LYST: variants seen among roughly 807,000 people sequenced by gnomAD.
The protein encoded by LYST is lysosomal trafficking regulator.
In LYST, 192 loss-of-function variants were observed where a neutral mutation model predicts 413.6. The ratio of observed to expected loss-of-function variants is 0.46; its 90% CI spans 0.41 to 0.52. The LOEUF (loss-of-function observed/expected upper bound fraction) is 0.52, where lower values mean the gene tolerates loss of function less well. LYST is among the 20% of genes least tolerant of loss of function. LYST has a pLI of 0.00. For synonymous variants in LYST, 1,525 were observed against 1,567.3 expected (o/e 0.97, Z 0.64); for missense variants, 3,815 against 4,499.9 (o/e 0.85, Z 4.35).
intron 1 of LYST, among the ~76,000 whole-genome samples, chr1:235,857,772 C>T (rs1341740535): frequency 3.3e-4 from 47 of 140,812 alleles, no homozygotes; most frequent in African/African-American, 1.2e-3. Flanking sequence ...CACACACACA[C>T]ACACACACAC....
intron 32 of LYST, 121 bp downstream of exon 32, chr1:235,734,361 TA>T (rs1664637536): frequency 2.4e-6 from 2 of 844,668 alleles, no homozygotes; most frequent in East Asian, 5.3e-5. Flanking sequence ...ATAGGAAAAA[TA>T]AAATAAAATA....
intron 31 of LYST, among the ~76,000 whole-genome samples, chr1:235,740,850 A>C (rs771922734): frequency 9.2e-5 from 14 of 152,314 alleles, no homozygotes; most frequent in South Asian, 4.1e-4. Flanking sequence ...TGACAAGTTA[A>C]ATATATGTTT....
chr1:235,842,233 G>C (rs184095583), intron 1 of LYST, among the ~76,000 whole-genome samples: 12 of 152,038 alleles, frequency 7.9e-5, no homozygotes, highest in Admixed American at 5.9e-4. Context: ...AAAGAGGCCA[G>C]GAAAATAAAT....
intron 47 of LYST, among the ~76,000 whole-genome samples, chr1:235,687,797 T>C (rs1374326765): frequency 1.3e-5 from 2 of 152,272 alleles, no homozygotes; most frequent in Non-Finnish European, 1.5e-5. Flanking sequence ...CACCTCAACA[T>C]GTTTCCCTGT....
intron 4 of LYST, 68 bp downstream of exon 4, chr1:235,812,903 T>C: frequency 1.1e-6 from 1 of 895,434 alleles, no homozygotes; most frequent in South Asian, 1.4e-5. Context: ...AATCAAACAT[T>C]CAGGCAGAAG....
chr1:235,867,239 T>A (rs1315074268), upstream of LYST, among the ~76,000 whole-genome samples: 2 of 152,208 alleles, frequency 1.3e-5, no homozygotes, highest in Non-Finnish European at 2.9e-5. Flanking sequence ...GTGGGCTGCG[T>A]CAGACCCTGG....
intron 17 of LYST, among the ~76,000 whole-genome samples, chr1:235,775,570 A>G (rs1044155578): frequency 3.3e-5 from 5 of 152,230 alleles, no homozygotes; most frequent in African/African-American, 1.2e-4. Context: ...TAAGAAACAC[A>G]CACTTATTAT....
At chr1:235,856,985 G>A (rs1164717637) in intron 1 of LYST, among the ~76,000 whole-genome samples, 4 of 132,832 alleles carry the variant, frequency 3.0e-5, no homozygotes, top group Non-Finnish European at 4.6e-5. Flanking sequence ...CACTCTTGTC[G>A]CCCAGGCTGG....
chr1:235,802,954 T>C lies in LYST; in HGVS notation c.3666A>G (p.Glu1222=). The C allele has an allele frequency of 1.2e-6, 2 of 1,613,644 alleles. No individual in the cohort carries two copies. The highest frequency in any genetic ancestry group is 2.2e-5 in the South Asian group (2 of 91,074). The change falls in exon 8 of 53, where the codon GAA becomes GAG. Residue 1222 remains glutamate (E), a synonymous_variant. Coordinates refer to ENST00000389793, the MANE Select transcript of LYST (RefSeq NM_000081.4). ...CTTCAGGATTGCTTTCACTATCTGCTTCGTAACCTTCTTCTTCAACTAAAA... is the reference window on the plus strand; with the variant it reads ...CTTCAGGATTGCTTTCACTATCTGCCTCGTAACCTTCTTCTTCAACTAAAA... ...FKLLVEEEGY[E]ADSESNPEDG...
At chr1:235,784,727 G>A (rs1670237072) in intron 14 of LYST, among the ~76,000 whole-genome samples, 2 of 152,140 alleles carry the variant, frequency 1.3e-5, no homozygotes, top group African/African-American at 4.8e-5. Context: ...CACATATTGA[G>A]AGCTCAAGAA....
Position 235,806,640 on chromosome 1 carries a change from T to C in LYST, c.2496A>G (p.Lys832=), listed in dbSNP as rs561196532. ...CATCAATATCTGGAACTGAGGCATC[T>C]TTCTGTTGCTCCCCTAGGCTGATTA... ...TLIISLGEQQ[K]DASVPDIDGI... The change falls in exon 6 of 53, where the codon AAA becomes AAG. Residue 832 remains lysine, a synonymous_variant. Transcript: ENST00000389793. 1.9e-6 allele frequency: 3 copies of C among 1,614,080 alleles called. No homozygotes were observed. The South Asian group carries it at 3.3e-5, about 18-fold the overall frequency.
intron 44 of LYST, among the ~76,000 whole-genome samples, chr1:235,703,424 T>C (rs182664993): frequency 1.0e-3 from 156 of 152,326 alleles, no homozygotes; most frequent in African/African-American, 3.6e-3. Flanking sequence ...CTCTTAAATG[T>C]AAAGGGTATT....
At chr1:235,827,311 G>A (rs1675439389) in intron 3 of LYST, 6 of 410,196 alleles carry the variant, frequency 1.5e-5, no homozygotes, top group Non-Finnish European at 2.0e-5. Flanking sequence ...TGAGGTTACA[G>A]TGAGCCATGA....
intron 43 of LYST, among the ~76,000 whole-genome samples, chr1:235,710,413 G>T (rs1443824934): frequency 6.6e-6 from 1 of 152,052 alleles, no homozygotes; most frequent in African/African-American, 2.4e-5. Context: ...AGTGAATGAG[G>T]CATCTGGGAA....
In LYST at chr1:235,805,877, C is replaced by T. The variant is rs750986055; in HGVS notation, c.3259G>A (p.Glu1087Lys). The change falls in exon 6 of 53, where the codon GAA (glutamate) becomes AAA (lysine). Residue 1087 changes from glutamate (E) to lysine (K), a missense_variant. Physicochemically the swap from Glu to Lys is moderately conservative, Grantham distance 56. This residue lies in a region of LYST where 1,648 missense variants were observed against 1,810.3 expected (regional missense o/e 0.91). Coordinates refer to ENST00000389793, the MANE Select transcript of LYST (RefSeq NM_000081.4). ...TCTTGACTTGTAAATAGCTTTGCTT[C>T]CTCGGGAGCGGCTTCAGTAGCTGAA... ...EVSATEAAPEEAKLFTSQESE... is the reference protein window; with the variant it reads ...EVSATEAAPEKAKLFTSQESE... 3.1e-6 allele frequency: 5 copies of T among 1,613,742 alleles called. No individual in the cohort carries two copies. The highest frequency in any genetic ancestry group is 4.2e-6 in the Non-Finnish European group (5 of 1,179,900).
chr1:235,733,039 A>C (rs1313478694), intron 34 of LYST, among the ~76,000 whole-genome samples: 3 of 152,206 alleles, frequency 2.0e-5, no homozygotes, highest in Non-Finnish European at 2.9e-5. Context: ...CTTTTCGAGT[A>C]ATTCTTTTAT....
intron 2 of LYST, among the ~76,000 whole-genome samples, chr1:235,833,234 A>G (rs1245390185): frequency 6.6e-6 from 1 of 151,522 alleles, no homozygotes; most frequent in Admixed American, 6.6e-5. Context: ...TTTAATGTCA[A>G]CTGAAGAGAT....
intron 22 of LYST, among the ~76,000 whole-genome samples, chr1:235,761,185 A>G (rs1258818528): frequency 6.6e-6 from 1 of 152,218 alleles, no homozygotes; most frequent in Non-Finnish European, 1.5e-5. Flanking sequence ...GTGCTAGAGA[A>G]TAACTGAAAC....
rs961900835 is a variant in LYST at position 235,809,076 on chromosome 1, C to A, written c.1742G>T (p.Gly581Val). ...TTTGGGATCCATACAACAGCATATTCCAATGTTATGAACACCCGATAGGAT... is the reference window on the plus strand; with the variant it reads ...TTTGGGATCCATACAACAGCATATTACAATGTTATGAACACCCGATAGGAT... ...VQILSGVHNI[G>V]ICCCMDPKSV... The change falls in exon 5 of 53, where the codon GGA becomes GTA. Residue 581 changes from glycine to valine, a missense_variant. By Grantham distance (109) the Gly-to-Val change is moderately radical. Around this residue, in one of 4 missense-constraint regions of LYST, gnomAD observed 1,648 missense variants for 1,810.3 expected, o/e 0.91. Coordinates refer to ENST00000389793, the MANE Select transcript of LYST (RefSeq NM_000081.4). The surrounding 1 kb of genome is among the most constrained non-coding windows in gnomAD (Gnocchi z 4.0). The A allele has an allele frequency of 2.5e-6, 4 of 1,614,002 alleles. No homozygotes were observed. Among genetic ancestry groups the A allele is most frequent in the Admixed American group, 3.3e-5 (2 of 59,992 alleles).
Sources: allele counts gnomAD v4.1 joint callset (sites outside exome capture counted in the v4.1 genomes callset), GRCh38; gene constraint gnomAD v4.1.1; regional missense constraint gnomAD v4.1.1; non-coding constraint Gnocchi (gnomAD v3.1); transcripts MANE v1.5; gene names NCBI Gene and HGNC (gene_info 2026-07-23, HGNC 2026-07-21).